Variants in UNC13C observed in about 807,000 individuals in gnomAD.
UNC13C encodes the protein unc-13 homolog C.
UNC13C carries 174 observed loss-of-function variants against 245.4 expected under a neutral mutation model. That is an observed-to-expected ratio of 0.71 (90% CI 0.63 to 0.80). The LOEUF (loss-of-function observed/expected upper bound fraction) is 0.80, where lower values mean the gene tolerates loss of function less well. UNC13C is among the 30% of genes least tolerant of loss of function. The probability of loss-of-function intolerance (pLI) is 0.00; values close to 1 mark genes in which losing one functional copy is unlikely to be tolerated. For synonymous variants in UNC13C, 992 were observed against 895.1 expected, an observed-to-expected ratio of 1.11 and a Z score of -1.93; for missense variants, 2,829 against 2,602.9, an observed-to-expected ratio of 1.09 and a Z score of -1.89.
intron 18 of UNC13C, among the ~76,000 whole-genome samples, chr15:54,395,767 A>G (rs746368356): frequency 6.6e-6 from 1 of 151,834 alleles, no homozygotes; most frequent in African/African-American, 2.4e-5. Flanking sequence ...ACAAGTTTAC[A>G]GTGACGGTAG....
intron 18 of UNC13C, among the ~76,000 whole-genome samples, chr15:54,400,664 CT>C (rs1231291507): frequency 2.0e-5 from 3 of 152,164 alleles, no homozygotes; most frequent in African/African-American, 7.2e-5. Flanking sequence ...TTGAAAATTT[CT>C]TCATCAACCT....
chr15:54,448,488 T>G (rs1185448191), intron 19 of UNC13C, among the ~76,000 whole-genome samples: 3 of 152,208 alleles, frequency 2.0e-5, no homozygotes, highest in Non-Finnish European at 2.9e-5. Context: ...TTTAGGATAG[T>G]TAGCTCTTCT....
intron 2 of UNC13C, among the ~76,000 whole-genome samples, chr15:54,123,215 G>A (rs2141198418): frequency 6.6e-6 from 1 of 151,828 alleles, no homozygotes; most frequent in South Asian, 2.1e-4. Context: ...ATCTTTAGGT[G>A]TACTTTTCCC....
chr15:54,611,028 GAAAAT>G (rs1900064851), intron 30 of UNC13C, among the ~76,000 whole-genome samples: 1 of 152,184 alleles, frequency 6.6e-6, no homozygotes, highest in Non-Finnish European at 1.5e-5. Context: ...TTGATCTGTA[GAAAAT>G]CACAGGGATA....
chr15:54,456,732 T>C (rs1891553351), intron 19 of UNC13C, among the ~76,000 whole-genome samples: 1 of 152,066 alleles, frequency 6.6e-6, no homozygotes, highest in Non-Finnish European at 1.5e-5. Flanking sequence ...TGATTTTGTA[T>C]CCTGAAGCTT....
Position 54,264,223 on chromosome 15 carries a change from T to C in UNC13C, c.3504T>C (p.Ile1168=), listed in dbSNP as rs976612650. The C allele has an allele frequency of 4.4e-6, 7 of 1,594,944 alleles. No individual in the cohort carries two copies. Among genetic ancestry groups the C allele is most frequent in the African/African-American group, 1.3e-5 (1 of 74,530 alleles). The part of the protein sequence containing the change: ...HGAEDKTQTI[I]TAMKERMKIR... ...CCGAAGACAAGACTCAGACCATTAT[T>C]ACAGCAATGAAAGAAAGAATGAAGA... Residue 1168 remains isoleucine (I), a synonymous_variant, in exon 9 of 33, where the codon ATT becomes ATC. Transcript: ENST00000260323.
intron 29 of UNC13C, among the ~76,000 whole-genome samples, chr15:54,566,066 TC>T (rs928602762): frequency 1.1e-4 from 16 of 151,676 alleles, no homozygotes; most frequent in African/African-American, 1.7e-4. Context: ...TTTCCAGAGT[TC>T]CCCCCCTACT....
At chr15:53,923,923 C>G in the UNC13C span, among the ~76,000 whole-genome samples, 1 of 152,188 alleles carries the variant, frequency 6.6e-6, no homozygotes, top group African/African-American at 2.4e-5. Context: ...AGAGACAGCA[C>G]GGGCTGGGCG....
intron 8 of UNC13C, among the ~76,000 whole-genome samples, chr15:54,259,247 T>C (rs2036361423): frequency 6.6e-6 from 1 of 152,258 alleles, no homozygotes; most frequent in Non-Finnish European, 1.5e-5. Context: ...GTTAGTTAAG[T>C]GGCAGATCAG....
chr15:53,978,289 A>C (rs1285562122), upstream of UNC13C, among the ~76,000 whole-genome samples: 1 of 152,122 alleles, frequency 6.6e-6, no homozygotes, highest in Non-Finnish European at 1.5e-5. Context: ...TGCGGTGGTG[A>C]AGGCCACACC....
At chr15:54,415,417 A>G (rs1255510430) in intron 19 of UNC13C, among the ~76,000 whole-genome samples, 1 of 152,096 alleles carries the variant, frequency 6.6e-6, no homozygotes, top group Non-Finnish European at 1.5e-5. Flanking sequence ...GTCTACGTGG[A>G]CTTGGAAATA....
At chr15:54,209,793 A>AT (rs1210041463) in intron 4 of UNC13C, among the ~76,000 whole-genome samples, 4 of 152,162 alleles carry the variant, frequency 2.6e-5, no homozygotes, top group Non-Finnish European at 4.4e-5. Flanking sequence ...ACGATTACAC[A>AT]TTTTGATTTT....
the UNC13C span, among the ~76,000 whole-genome samples, chr15:53,858,365 AG>A: frequency 4.0e-5 from 6 of 151,276 alleles, no homozygotes; most frequent in African/African-American, 1.5e-4. Context: ...AACAACTTAC[AG>A]TTGTGTATTC....
At chr15:54,104,065 T>C (rs907885716) in intron 2 of UNC13C, among the ~76,000 whole-genome samples, 1 of 152,238 alleles carries the variant, frequency 6.6e-6, no homozygotes, top group African/African-American at 2.4e-5. Flanking sequence ...GTTAAGATAT[T>C]GTGTCGAGTC....
At chr15:54,129,598 G>C (rs1253572047) in intron 2 of UNC13C, among the ~76,000 whole-genome samples, 2 of 151,416 alleles carry the variant, frequency 1.3e-5, no homozygotes, top group Non-Finnish European at 2.9e-5. Context: ...AGTAAATTTT[G>C]GTAATTTATA....
intron 2 of UNC13C, among the ~76,000 whole-genome samples, chr15:54,046,571 G>T (rs1192906425): frequency 6.6e-6 from 1 of 151,650 alleles, no homozygotes; most frequent in East Asian, 1.9e-4. Context: ...TTTCTAGTGG[G>T]TTTTTTCCTT....
chr15:54,411,300 T>A (rs1295826344), intron 18 of UNC13C, among the ~76,000 whole-genome samples: 1 of 152,200 alleles, frequency 6.6e-6, no homozygotes, highest in Admixed American at 6.5e-5. Context: ...GCTTATGTTT[T>A]TGTTTTCTCA....
chr15:54,066,700 G>A (rs1487864231), intron 2 of UNC13C, among the ~76,000 whole-genome samples: 2 of 152,130 alleles, frequency 1.3e-5, no homozygotes, highest in African/African-American at 2.4e-5. Flanking sequence ...GGCAGTGATA[G>A]GCTATTTCCC....
chr15:54,545,599 A>G (rs1896448782), intron 26 of UNC13C, among the ~76,000 whole-genome samples: 1 of 152,190 alleles, frequency 6.6e-6, no homozygotes, highest in African/African-American at 2.4e-5. Context: ...CTTAATCTAT[A>G]AGGAACTTAA....
Sources: allele counts gnomAD v4.1 joint callset (sites outside exome capture counted in the v4.1 genomes callset), GRCh38; gene constraint gnomAD v4.1.1; transcripts MANE v1.5; gene names NCBI Gene and HGNC (gene_info 2026-07-23, HGNC 2026-07-21).